The following PPP3CA variants were observed in gnomAD, a reference collection of about 807,000 sequenced individuals.
PPP3CA encodes protein phosphatase 3 catalytic subunit alpha.
PPP3CA carries 14 observed loss-of-function variants against 66.5 expected under a neutral mutation model. The observed-to-expected ratio is 0.21, with a 90% CI of 0.14 to 0.33. The LOEUF (loss-of-function observed/expected upper bound fraction) is 0.33. PPP3CA is among the 10% of genes least tolerant of loss of function. The probability of loss-of-function intolerance (pLI) is 1.00; values close to 1 mark genes in which losing one functional copy is unlikely to be tolerated. For missense variants in PPP3CA, 317 were observed against 639.5 expected, an observed-to-expected ratio of 0.50 and a Z score of 5.44; for synonymous variants, 232 against 226.2, an observed-to-expected ratio of 1.03 and a Z score of -0.23.
At chr4:101,173,815 C>A (rs1431881045) in intron 2 of PPP3CA, among the ~76,000 whole-genome samples, 1 of 152,014 alleles carries the variant, frequency 6.6e-6, no homozygotes, top group Non-Finnish European at 1.5e-5. Context: ...TTTTGGTAGG[C>A]CAAGGTAGGA....
chr4:101,034,361 A>G (rs1328848308), intron 11 of PPP3CA, among the ~76,000 whole-genome samples: 1 of 151,994 alleles, frequency 6.6e-6, no homozygotes, highest in African/African-American at 2.4e-5. Context: ...AATAATAATA[A>G]TCCCTTTCTC....
rs78484259 is a variant in PPP3CA at position 101,268,805 on chromosome 4, A to G, written c.59-72689T>C. On this transcript the variant is annotated intron_variant, in intron 1 of 13. Transcript: ENST00000394854. ...GATATCTTCCTTAAGATAATATGGGAAAAAAAAGTCAAAGGACAATATCAC... is the reference window on the plus strand; with the variant it reads ...GATATCTTCCTTAAGATAATATGGGGAAAAAAAGTCAAAGGACAATATCAC... 5.1e-4 allele frequency among the ~76,000 whole-genome samples: 78 copies of G among 152,024 alleles called. 2 individuals carry two copies. In the East Asian group the frequency reaches 0.014, roughly 28 times the overall value.
At chr4:101,340,338 G>C (rs569031453) in intron 1 of PPP3CA, among the ~76,000 whole-genome samples, 1 of 152,242 alleles carries the variant, frequency 6.6e-6, no homozygotes, top group African/African-American at 2.4e-5. Context: ...TCCTCTCTAT[G>C]ATGGTCTCAA....
intron 1 of PPP3CA, among the ~76,000 whole-genome samples, chr4:101,324,170 A>G (rs866700754): frequency 0.019 from 2,231 of 117,494 alleles, 79 homozygotes; most frequent in African/African-American, 0.074. Flanking sequence ...GGAAGGAAGG[A>G]AGGAAGGAAG....
Position 101,166,822 on chromosome 4 carries a change from T to C in PPP3CA, c.259+29094A>G, listed in dbSNP as rs1328400194. 3.9e-5 allele frequency among the ~76,000 whole-genome samples: 6 copies of C among 152,224 alleles called. No homozygotes were observed. In the East Asian group the frequency reaches 9.6e-4, roughly 24 times the overall value. Reference sequence around the variant, plus strand: ...TTACATTGTATATTTCCTTAGGGTATATTAATACATTTGAAAGCTACTTTG... The same window carrying C: ...TTACATTGTATATTTCCTTAGGGTACATTAATACATTTGAAAGCTACTTTG... On this transcript the variant is annotated intron_variant, in intron 2 of 13. Transcript: ENST00000394854.
intron 1 of PPP3CA, among the ~76,000 whole-genome samples, chr4:101,269,222 A>C (rs1727257754): frequency 6.6e-6 from 1 of 152,050 alleles, no homozygotes; most frequent in Admixed American, 6.6e-5. Context: ...TTCAGACTAT[A>C]ATTCACCATA....
At chr4:101,072,600 T>C (rs1461887321) in intron 8 of PPP3CA, among the ~76,000 whole-genome samples, 1 of 152,180 alleles carries the variant, frequency 6.6e-6, no homozygotes, top group Admixed American at 6.5e-5. Context: ...GTCTGGCACA[T>C]AATAAGTGCT....
At chr4:101,107,769 C>T (rs1342789710) in intron 3 of PPP3CA, among the ~76,000 whole-genome samples, 2 of 152,118 alleles carry the variant, frequency 1.3e-5, no homozygotes, top group Non-Finnish European at 2.9e-5. Flanking sequence ...GCAAATAAAA[C>T]ACTGAAATAA....
At chr4:101,095,135 C>T (rs1342133263) in intron 5 of PPP3CA, among the ~76,000 whole-genome samples, 2 of 151,974 alleles carry the variant, frequency 1.3e-5, no homozygotes, top group African/African-American at 4.8e-5. Flanking sequence ...TTATGTTAGC[C>T]ACAAAATATT....
intron 1 of PPP3CA, among the ~76,000 whole-genome samples, chr4:101,246,241 C>A (rs1726476111): frequency 6.6e-6 from 1 of 152,118 alleles, no homozygotes; most frequent in Non-Finnish European, 1.5e-5. Context: ...AGTATTATTA[C>A]CTGATACAAA....
intron 1 of PPP3CA, among the ~76,000 whole-genome samples, chr4:101,209,874 T>C (rs1026357706): frequency 1.3e-5 from 2 of 152,140 alleles, no homozygotes; most frequent in African/African-American, 4.8e-5. Context: ...TATTTTTAAA[T>C]ATTATTAAAA....
intron 4 of PPP3CA, 68 bp from the exon 5 acceptor site, chr4:101,098,580 T>G: frequency 6.8e-7 from 1 of 1,468,756 alleles, no homozygotes; most frequent in Non-Finnish European, 9.1e-7. Flanking sequence ...ATAGTTTTGG[T>G]TTTTTGAGAA....
rs79254267 is a variant in PPP3CA at position 101,321,337 on chromosome 4, A to C, written c.58+25402T>G. Among the ~76,000 whole-genome samples, 15 of 152,346 alleles carry C rather than the reference A, an allele frequency of 9.8e-5. No homozygotes were observed. In the East Asian group the frequency reaches 2.7e-3, roughly 27 times the overall value. On this transcript the variant is annotated intron_variant, in intron 1 of 13. Coordinates refer to ENST00000394854, the MANE Select transcript of PPP3CA (RefSeq NM_000944.5). Reference sequence around the variant, plus strand: ...CTTACAGAACTACATTATTTAAAAAAACAGATATAGTTCAGAAACCACATA... The same window carrying C: ...CTTACAGAACTACATTATTTAAAAACACAGATATAGTTCAGAAACCACATA...
intron 8 of PPP3CA, among the ~76,000 whole-genome samples, chr4:101,074,101 G>A (rs1224795882): frequency 6.6e-6 from 1 of 152,168 alleles, no homozygotes; most frequent in African/African-American, 2.4e-5. Context: ...CAAAAAAAGT[G>A]CTTTAAAAGT....
intron 5 of PPP3CA, 91 bp downstream of exon 5, chr4:101,098,276 T>G (rs1730287677): frequency 3.0e-6 from 4 of 1,341,792 alleles, no homozygotes; most frequent in Non-Finnish European, 4.0e-6. Context: ...CTCAAAAGAA[T>G]AAAGTCAGTG....
intron 1 of PPP3CA, 112 bp downstream of exon 1, chr4:101,346,627 A>C (rs928726817): frequency 2.2e-6 from 2 of 908,798 alleles, no homozygotes; most frequent in Non-Finnish European, 3.4e-6. Flanking sequence ...CCGCGGCTGG[A>C]GCGGACAGAG....
At chr4:101,294,829 T>C (rs886677474) in intron 1 of PPP3CA, among the ~76,000 whole-genome samples, 2 of 151,466 alleles carry the variant, frequency 1.3e-5, no homozygotes, top group African/African-American at 4.9e-5. Flanking sequence ...ACTACAGACA[T>C]TGCGAAACCC....
intron 1 of PPP3CA, among the ~76,000 whole-genome samples, chr4:101,270,714 A>C (rs1727311323): frequency 6.6e-6 from 1 of 152,186 alleles, no homozygotes; most frequent in African/African-American, 2.4e-5. Context: ...GTTATTTCTT[A>C]ATTTACAGGT....
intron 2 of PPP3CA, among the ~76,000 whole-genome samples, chr4:101,169,152 ACAACCAGCC>A (rs1269977780): frequency 6.6e-6 from 1 of 152,238 alleles, no homozygotes; most frequent in Non-Finnish European, 1.5e-5. Flanking sequence ...ACAAAGGTCA[ACAACCAGCC>A]TTGCCTGTTC....
Sources: gnomAD v4.1 joint callset for allele counts (sites outside exome capture counted in the v4.1 genomes callset) on GRCh38, gnomAD v4.1.1 for gene constraint, MANE v1.5 for transcripts, NCBI Gene and HGNC (gene_info 2026-07-23, HGNC 2026-07-21) for gene names.